Variants in HERC5 observed in about 807,000 individuals in gnomAD.
HERC5 encodes E3 ISG15--protein ligase HERC5.
Under a neutral mutation model 119.6 loss-of-function variants are expected in HERC5, and 99 were observed. The observed-to-expected ratio is 0.83, with a 90% confidence interval of 0.70 to 0.98. The LOEUF (loss-of-function observed/expected upper bound fraction) is 0.98, where lower values mean the gene tolerates loss of function less well. Among genes scored for constraint, HERC5 ranks in the 50% least tolerant of loss-of-function variants. The pLI, the probability that HERC5 is intolerant of heterozygous loss-of-function variation, is 0.00. For synonymous variants in HERC5, 478 were observed against 445.9 expected, an observed-to-expected ratio of 1.07 and a Z score of -0.91; for missense variants, 1,267 against 1,241.3, an observed-to-expected ratio of 1.02 and a Z score of -0.31.
At chr4:88,457,670 A>C in intron 1 of HERC5, 136 bp downstream of exon 1, 1 of 1,004,370 alleles carries the variant, frequency 1.0e-6, no homozygotes, top group Non-Finnish European at 1.3e-6. Context: ...TGGCTCGGAT[A>C]GTTTCGCCGA....
intron 20 of HERC5, among the ~76,000 whole-genome samples, chr4:88,503,982 TC>T (rs1328622528): frequency 6.6e-6 from 1 of 151,758 alleles, no homozygotes; most frequent in East Asian, 1.9e-4. Flanking sequence ...CAGGAGAATC[TC>T]TTGAACCCAG....
At chr4:88,490,712 C>T (rs895136559) in intron 16 of HERC5, among the ~76,000 whole-genome samples, 5 of 151,932 alleles carry the variant, frequency 3.3e-5, no homozygotes, top group Admixed American at 1.3e-4. Flanking sequence ...GGTGTGGTGG[C>T]GGGCGCCTGT....
Position 88,462,126 on chromosome 4 carries a change from T to A in HERC5, c.467-9T>A, listed in dbSNP as rs756069557. ...GGAATAAAACAGCATTTGCTTTGTT[T>A]ATGTCAAGGTGGTGAGCTTTTTGCC... is the stretch of plus-strand genomic sequence containing the variant. On this transcript the variant is annotated splice_polypyrimidine_tract_variant and intron_variant, in intron 3 of 22. Coordinates refer to ENST00000264350, the MANE Select transcript of HERC5 (RefSeq NM_016323.4). The A allele has an allele frequency of 8.7e-6, 14 of 1,612,044 alleles. No individual in the cohort carries two copies. Among genetic ancestry groups the A allele is most frequent in the Non-Finnish European group, 1.2e-5 (14 of 1,178,890 alleles).
chr4:88,505,919 C>CGTTGTT lies in HERC5; in HGVS notation c.*63_*68dup, dbSNP rs58490237. On this transcript the variant is annotated 3_prime_UTR_variant, in exon 23 of 23. Coordinates refer to ENST00000264350, the MANE Select transcript of HERC5 (RefSeq NM_016323.4). ...AACAGCCTTATTTTGTTGTTGTTATCGTTGTTGTTGTTGTTGTTGTTGTTG... is the reference window on the plus strand; with the variant it reads ...AACAGCCTTATTTTGTTGTTGTTATCGTTGTTGTTGTTGTTGTTGTTGTTGTTGTTG... 6.0e-5 allele frequency: 86 copies of CGTTGTT among 1,431,108 alleles called. 1 individual carries two copies. The highest frequency in any genetic ancestry group is 4.6e-4 in the South Asian group (37 of 81,142). 88.7% of individuals were successfully genotyped at this position (1,431,108 alleles called of 1,614,324 possible). A position where few individuals can be genotyped will look rare whatever the true frequency, so the allele number is the denominator to read the frequency against.
In HERC5 at chr4:88,457,418, T is replaced by C; in HGVS notation, c.149T>C (p.Val50Ala). 7.3e-7 allele frequency: 1 copy of C among 1,367,788 alleles called. No individual in the cohort carries two copies. The highest frequency in any genetic ancestry group is 9.4e-7 in the Non-Finnish European group (1 of 1,064,102). The allele number at this position is 1,367,788 out of a possible 1,614,324, so 84.7% of individuals were successfully genotyped here. ...AGLHRALLRR[V>A]EVTRQLCCSP... ...CTCCACCGCGCGCTGCTCCGGAGGGTGGAGGTGACGCGCCAACTCTGCTGC... is the reference window on the plus strand; with the variant it reads ...CTCCACCGCGCGCTGCTCCGGAGGGCGGAGGTGACGCGCCAACTCTGCTGC... The change falls in exon 1 of 23, where the codon GTG becomes GCG. Residue 50 changes from valine to alanine, a missense_variant. Coordinates refer to ENST00000264350, the MANE Select transcript of HERC5 (RefSeq NM_016323.4).
chr4:88,481,708 A>G (rs1399128394), intron 13 of HERC5, among the ~76,000 whole-genome samples: 1 of 152,200 alleles, frequency 6.6e-6, no homozygotes, highest in Non-Finnish European at 1.5e-5. Context: ...TCAGTTGTTC[A>G]GGAGTAGCAT....
intron 7 of HERC5, among the ~76,000 whole-genome samples, 161 bp downstream of exon 7, chr4:88,467,365 A>T (rs1051247258): frequency 6.6e-6 from 1 of 152,216 alleles, no homozygotes; most frequent in African/African-American, 2.4e-5. Context: ...GAGTCAGTCT[A>T]ATTTACTGAG....
Position 88,505,882 on chromosome 4 carries a change from G to A in HERC5, c.*4G>A. 2 of 1,599,854 alleles carry A rather than the reference G, an allele frequency of 1.3e-6. No homozygotes were observed. The highest frequency in any genetic ancestry group is 2.0e-4 in the Middle Eastern group (1 of 5,070). On this transcript the variant is annotated 3_prime_UTR_variant, in exon 23 of 23. Transcript: ENST00000264350. ...CAACAACAGAGGATTTGGCTGACCA[G>A]CTTGCTTGTCCAACAGCCTTATTTT...
intron 1 of HERC5, among the ~76,000 whole-genome samples, chr4:88,458,803 A>G (rs1201771383): frequency 6.6e-6 from 1 of 152,218 alleles, no homozygotes; most frequent in Non-Finnish European, 1.5e-5. Context: ...ATGTGCACTA[A>G]TGCCAATGAA....
intron 6 of HERC5, 147 bp from the exon 7 acceptor site, chr4:88,466,912 T>C (rs767731297): frequency 1.8e-4 from 142 of 792,886 alleles, no homozygotes; most frequent in Middle Eastern, 3.3e-4. Flanking sequence ...CATGTTGATT[T>C]CTTGGTTTCC....
intron 13 of HERC5, among the ~76,000 whole-genome samples, chr4:88,482,487 C>T (rs1003987411): frequency 1.3e-5 from 2 of 152,124 alleles, no homozygotes; most frequent in African/African-American, 4.8e-5. Context: ...ACAGACCCTC[C>T]GTAGCCAACC....
At chr4:88,505,041 A>G (rs1270229803) in intron 22 of HERC5, among the ~76,000 whole-genome samples, 2 of 152,064 alleles carry the variant, frequency 1.3e-5, no homozygotes, top group Admixed American at 6.6e-5. Flanking sequence ...AGAAATATTT[A>G]TCTTCTATTT....
intron 11 of HERC5, among the ~76,000 whole-genome samples, chr4:88,472,843 T>G (rs1235393743): frequency 1.3e-5 from 2 of 152,206 alleles, no homozygotes; most frequent in African/African-American, 2.4e-5. Context: ...AAGAACATTT[T>G]ATATGCAAAG....
Position 88,493,106 on chromosome 4 carries a change from G to A in HERC5, c.2228G>A (p.Gly743Glu). 6.2e-7 allele frequency: 1 copy of A among 1,614,072 alleles called. No homozygotes were observed. The highest frequency in any genetic ancestry group is 1.1e-5 in the South Asian group (1 of 91,070). Reference protein sequence around the residue: ...LFAEMIQPEYGMFMYPEGASC... With the variant: ...LFAEMIQPEYEMFMYPEGASC... ...GCAGAGATGATCCAGCCGGAATATG[G>A]GATGTTCATGTATCCTGAAGGGGCT... The change falls in exon 17 of 23, where the codon GGG (glycine) becomes GAG (glutamate). Residue 743 changes from glycine to glutamate, a missense_variant. By Grantham distance (98) the Gly-to-Glu change is moderately conservative (BLOSUM62 -2). This residue lies in a region of HERC5 where 473 missense variants were observed against 445.7 expected (regional missense o/e 1.06). Transcript: ENST00000264350.
intron 18 of HERC5, among the ~76,000 whole-genome samples, chr4:88,496,617 C>T (rs1027484448): frequency 1.3e-5 from 2 of 152,106 alleles, no homozygotes; most frequent in African/African-American, 4.8e-5. Context: ...AGATCTTTGT[C>T]TTATGCCATA....
At position 88,463,858 on chromosome 4, in the gene HERC5, G is replaced by T; in HGVS notation, c.784G>T (p.Gly262Trp). Residue 262 changes from glycine to tryptophan, a missense_variant, in exon 6 of 23, where the codon GGG (glycine) becomes TGG (tryptophan). Physicochemically the swap from Gly to Trp is radical, Grantham distance 184. Around this residue, in one of 3 missense-constraint regions of HERC5, gnomAD observed 777 missense variants for 758.0 expected, o/e 1.03. Coordinates refer to ENST00000264350, the MANE Select transcript of HERC5 (RefSeq NM_016323.4). ...ATATGACATTCCCTTTCCTTAGGATGGGCTGCTGTTTACTTTCGGTGCTGG... is the reference window on the plus strand; with the variant it reads ...ATATGACATTCCCTTTCCTTAGGATTGGCTGCTGTTTACTTTCGGTGCTGG... ...GSHSALLTQD[G>W]LLFTFGAGKH... 6.2e-7 allele frequency: 1 copy of T among 1,613,602 alleles called. No individual in the cohort carries two copies. Among genetic ancestry groups the T allele is most frequent in the Non-Finnish European group, 8.5e-7 (1 of 1,179,872 alleles).
intron 20 of HERC5, 55 bp from the exon 21 acceptor site, chr4:88,504,177 A>T: frequency 8.6e-7 from 1 of 1,165,120 alleles, no homozygotes; most frequent in Non-Finnish European, 1.2e-6. Context: ...TTAGCCCCTC[A>T]CCATTTTGTT....
intron 16 of HERC5, among the ~76,000 whole-genome samples, chr4:88,492,116 G>A (rs1741658565): frequency 6.6e-6 from 1 of 151,952 alleles, no homozygotes; most frequent in South Asian, 2.1e-4. Flanking sequence ...TGAGTCTCCT[G>A]CCTCAGCCTC....
At chr4:88,489,073 T>C (rs1223725297) in intron 15 of HERC5, 93 bp from the exon 16 acceptor site, 6 of 973,846 alleles carry the variant, frequency 6.2e-6, no homozygotes, top group East Asian at 2.4e-5. Context: ...CCTGCACTTA[T>C]AAGCAGAACC....
Sources: allele counts gnomAD v4.1 joint callset (sites outside exome capture counted in the v4.1 genomes callset), GRCh38; gene constraint gnomAD v4.1.1; regional missense constraint gnomAD v4.1.1; transcripts MANE v1.5; gene names NCBI Gene and HGNC (gene_info 2026-07-23, HGNC 2026-07-21).